ECEL1: variants seen among roughly 807,000 people sequenced by gnomAD.
ECEL1 encodes the protein endothelin converting enzyme like 1, also known as endothelin-converting enzyme-like 1.
Under a neutral mutation model 101.8 loss-of-function variants are expected in ECEL1, and 87 were observed. The observed-to-expected ratio is 0.85, with a 90% CI of 0.72 to 1.02. ECEL1 has a LOEUF of 1.02. Among genes scored for constraint, ECEL1 ranks in the 50% least tolerant of loss-of-function variants. The probability of loss-of-function intolerance (pLI) is 0.00; values close to 1 mark genes in which losing one functional copy is unlikely to be tolerated. For missense variants in ECEL1, 1,032 were observed against 1,079.2 expected (o/e 0.96, Z 0.61); for synonymous variants, 487 against 468.7 (o/e 1.04, Z -0.50).
chr2:232,485,403 C>T, intron 2 of ECEL1, 136 bp from the exon 3 acceptor site: 1 of 989,862 alleles, frequency 1.0e-6, no homozygotes, highest in Non-Finnish European at 1.5e-6. Context: ...GACCCCAGCT[C>T]CTCTTTCCAC....
At position 232,486,732 on chromosome 2, in the gene ECEL1, T is replaced by C; in HGVS notation, c.-79A>G. The C allele has an allele frequency of 7.4e-7, 1 of 1,348,718 alleles. No homozygotes were observed. The highest frequency in any genetic ancestry group is 1.7e-5 in the South Asian group (1 of 60,374). The allele number at this position is 1,348,718 out of a possible 1,614,324, so 83.5% of individuals were successfully genotyped here. ...GTGGCCGCCGGCCTCCTCGTGGGCCTCCGCATGGCCCTGGGGCCGCAGCTG... is the reference window on the plus strand; with the variant it reads ...GTGGCCGCCGGCCTCCTCGTGGGCCCCCGCATGGCCCTGGGGCCGCAGCTG... On this transcript the variant is annotated 5_prime_UTR_variant, in exon 2 of 18. Coordinates refer to ENST00000304546, the MANE Select transcript of ECEL1 (RefSeq NM_004826.4).
chr2:232,481,936 C>G, intron 12 of ECEL1, 87 bp from the exon 13 acceptor site: 1 of 1,580,034 alleles, frequency 6.3e-7, no homozygotes, highest in East Asian at 2.3e-5. Context: ...GTCCCCTGGC[C>G]GGGCCAGGAG....
rs1362061138 is a variant in ECEL1, at chr2:232,480,398, C to G, written c.2228+1G>C. 1.2e-6 allele frequency: 2 copies of G among 1,613,900 alleles called. No homozygotes were observed. The highest frequency in any genetic ancestry group is 1.7e-6 in the Non-Finnish European group (2 of 1,180,006). Reference sequence around the variant, plus strand: ...AAGGCCAGGCGGGCAGGTGGGCATACCTGTAGTGCTCAGGGGCATGCTTGT... The same window carrying G: ...AAGGCCAGGCGGGCAGGTGGGCATAGCTGTAGTGCTCAGGGGCATGCTTGT... On this transcript the variant is annotated splice_donor_variant, in intron 17 of 17. Coordinates refer to ENST00000304546, the MANE Select transcript of ECEL1 (RefSeq NM_004826.4). LOFTEE classifies it high-confidence loss of function.
chr2:232,486,383 C>T lies in ECEL1; in HGVS notation c.271G>A (p.Gly91Ser), dbSNP rs1690728982. The change falls in exon 2 of 18, where the codon GGC becomes AGC. Residue 91 changes from glycine to serine, a missense_variant. Transcript: ENST00000304546. Reference sequence around the variant, plus strand: ...CAGCCCTCGGGACAGGCGCCGCCGCCGGCCGCGACCGGGCCCAGGTACTTG... The same window carrying T: ...CAGCCCTCGGGACAGGCGCCGCCGCTGGCCGCGACCGGGCCCAGGTACTTG... The part of the protein sequence containing the change: ...ALKYLGPVAA[G>S]GGACPEGCPE... 2.0e-6 allele frequency: 3 copies of T among 1,481,486 alleles called. No homozygotes were observed. The highest frequency in any genetic ancestry group is 2.7e-6 in the Non-Finnish European group (3 of 1,127,780). 91.8% of individuals were successfully genotyped at this position (1,481,486 alleles called of 1,614,324 possible).
At chr2:232,487,650 A>T (rs1690768794) in intron 1 of ECEL1, 69 bp downstream of exon 1, 1 of 151,976 alleles carries the variant, frequency 6.6e-6, no homozygotes, top group African/African-American at 2.4e-5. Context: ...GGCTCCGCGC[A>T]GTGGCGGCGG....
In ECEL1 at chr2:232,480,141, G is replaced by A. The variant is rs1177404153; in HGVS notation, c.*12C>T. ...GCGGGGGCAGTGGGGGCGTGCAGGC[G>A]GGCAGCCAGGCTCACCACACGGAAC... On this transcript the variant is annotated 3_prime_UTR_variant, in exon 18 of 18. Transcript: ENST00000304546. 13 of 1,613,012 alleles carry A rather than the reference G, an allele frequency of 8.1e-6. No homozygotes were observed. The highest frequency in any genetic ancestry group is 1.7e-5 in the Admixed American group (1 of 59,964).
rs754845580 is a variant in ECEL1, at chr2:232,480,126, T to A, written c.*27A>T. On this transcript the variant is annotated 3_prime_UTR_variant, in exon 18 of 18. Transcript: ENST00000304546. ...CAGGAGGTGATTCGTGCGGGGGCAGTGGGGGCGTGCAGGCGGGCAGCCAGG... is the reference window on the plus strand; with the variant it reads ...CAGGAGGTGATTCGTGCGGGGGCAGAGGGGGCGTGCAGGCGGGCAGCCAGG... The A allele has an allele frequency of 2.5e-6, 4 of 1,609,316 alleles. No homozygotes were observed. Among genetic ancestry groups the A allele is most frequent in the Non-Finnish European group, 3.4e-6 (4 of 1,176,804 alleles).
Position 232,480,386 on chromosome 2 carries a change from C to T in ECEL1, c.2228+13G>A, listed in dbSNP as rs1387096821. ...CAAGGAGTGGACAAGGCCAGGCGGG[C>T]AGGTGGGCATACCTGTAGTGCTCAG... On this transcript the variant is annotated intron_variant, in intron 17 of 17. Coordinates refer to ENST00000304546, the MANE Select transcript of ECEL1 (RefSeq NM_004826.4). 1.2e-6 allele frequency: 2 copies of T among 1,613,590 alleles called. No individual in the cohort carries two copies. The highest frequency in any genetic ancestry group is 2.2e-5 in the East Asian group (1 of 44,856).
At chr2:232,487,038 C>T (rs1024227826) in intron 1 of ECEL1, among the ~76,000 whole-genome samples, 3 of 152,224 alleles carry the variant, frequency 2.0e-5, no homozygotes, top group African/African-American at 7.2e-5. Flanking sequence ...AGTGGGCCTT[C>T]ATTGAAAGGT....
Position 232,486,146 on chromosome 2 carries a change from C to A in ECEL1, c.508G>T (p.Gly170Cys), listed in dbSNP as rs1403036153. ...CGCTGGGCCGCGCCGCCAGGCCCAC[C>A]CCCGGGCCGCGCCAGCAGGCGCCGT... is the stretch of plus-strand genomic sequence containing the variant. ...RLRRLLARPG[G>C]GPGGAAQRKV... Residue 170 changes from glycine (G) to cysteine (C), a missense_variant, in exon 2 of 18, where the codon GGT (glycine) becomes TGT (cysteine). Gly to Cys is a radical substitution (Grantham distance 159). Coordinates refer to ENST00000304546, the MANE Select transcript of ECEL1 (RefSeq NM_004826.4). 3 of 1,565,484 alleles carry A rather than the reference C, an allele frequency of 1.9e-6. No homozygotes were observed. The highest frequency in any genetic ancestry group is 1.4e-5 in the African/African-American group (1 of 73,164).
intron 7 of ECEL1, 109 bp from the exon 8 acceptor site, chr2:232,483,623 C>T: frequency 1.2e-6 from 1 of 850,438 alleles, no homozygotes; most frequent in Non-Finnish European, 1.8e-6. Flanking sequence ...GCCCAAACCT[C>T]ATTTCTGAAC....
rs1255501465 is a variant in ECEL1, at chr2:232,481,144, G to A, written c.2002C>T (p.His668Tyr). The change falls in exon 15 of 18, where the codon CAC becomes TAC. Residue 668 changes from histidine to tyrosine, a missense_variant. By Grantham distance (83) the His-to-Tyr change is moderately conservative. Coordinates refer to ENST00000304546, the MANE Select transcript of ECEL1 (RefSeq NM_004826.4). ...TVYNQRVNGK[H>Y]TLGENIADMG... is the part of the protein sequence containing the mutation. ...TCTGCGATGTTCTCCCCAAGCGTGT[G>A]TTTCCCGTTCACCTGCCGGGAAGGG... The A allele has an allele frequency of 1.3e-6, 2 of 1,567,150 alleles. No individual in the cohort carries two copies. The highest frequency in any genetic ancestry group is 2.4e-5 in the East Asian group (1 of 42,260).
At position 232,481,792 on chromosome 2, in the gene ECEL1, G is replaced by A. The variant is rs372170199; in HGVS notation, c.1854C>T (p.Tyr618=). The change falls in exon 13 of 18, where the codon TAC becomes TAT. Residue 618 remains tyrosine, a synonymous_variant. Coordinates refer to ENST00000304546, the MANE Select transcript of ECEL1 (RefSeq NM_004826.4). The stretch of plus-strand genomic sequence containing the variant: ...CCCAACAGGCCTCACCCCAGTCGTC[G>A]TAGCCGTGGGTCAGCTCATGTCCAA... ...TIIGHELTHG[Y]DDWGGQYDRS... is the part of the protein sequence containing the mutation. 16 of 1,613,770 alleles carry A rather than the reference G, an allele frequency of 9.9e-6. No homozygotes were observed. The highest frequency in any genetic ancestry group is 4.0e-5 in the African/African-American group (3 of 74,902).
Position 232,480,224 on chromosome 2 carries a change from C to T in ECEL1, c.2257G>A (p.Glu753Lys), listed in dbSNP as rs1169874030. ...GGACAGTGGAAAGCCCGGCCAAACT[C>T]CTCAAACTGGGACACACTGCCCAGC... ...RVLGSVSQFE[E>K]FGRAFHCPKD... Residue 753 changes from glutamate (E) to lysine (K), a missense_variant, in exon 18 of 18, where the codon GAG (glutamate) becomes AAG (lysine). Physicochemically the swap from Glu to Lys is moderately conservative, Grantham distance 56. Transcript: ENST00000304546. 3.1e-6 allele frequency: 5 copies of T among 1,613,852 alleles called. No homozygotes were observed.
Position 232,483,474 on chromosome 2 carries a change from T to C in ECEL1, c.1448A>G (p.Gln483Arg). 1 of 1,612,504 alleles carries C rather than the reference T, an allele frequency of 6.2e-7. No homozygotes were observed. Among genetic ancestry groups the C allele is most frequent in the Non-Finnish European group, 8.5e-7 (1 of 1,179,750 alleles). Residue 483 changes from glutamine to arginine, a missense_variant, in exon 8 of 18, where the codon CAG (glutamine) becomes CGG (arginine). Coordinates refer to ENST00000304546, the MANE Select transcript of ECEL1 (RefSeq NM_004826.4). ...LVEDIKYILGQRLEELDWMDA... is the reference protein window; with the variant it reads ...LVEDIKYILGRRLEELDWMDA... Reference sequence around the variant, plus strand: ...CATCCAGTCCAGCTCCTCCAGGCGCTGGCCCAGGATGTACTTGATGTCTTC... The same window carrying C: ...CATCCAGTCCAGCTCCTCCAGGCGCCGGCCCAGGATGTACTTGATGTCTTC...
At position 232,484,857 on chromosome 2, in the gene ECEL1, C is replaced by T. The variant is rs1454248258; in HGVS notation, c.1003G>A (p.Val335Ile). Reference protein sequence around the residue: ...VSEHDDLRRDVSSMYNKVTLG... With the variant: ...VSEHDDLRRDISSMYNKVTLG... The stretch of plus-strand genomic sequence containing the variant: ...GTCACCTTGTTGTACATGGAGCTGA[C>T]ATCTCGCCGTAGGTCGTCATGCTCT... Residue 335 changes from valine to isoleucine, a missense_variant, in exon 5 of 18, where the codon GTC becomes ATC. By Grantham distance (29) the Val-to-Ile change is conservative. Transcript: ENST00000304546. 6.2e-7 allele frequency: 1 copy of T among 1,613,956 alleles called. No individual in the cohort carries two copies. Among genetic ancestry groups the T allele is most frequent in the Non-Finnish European group, 8.5e-7 (1 of 1,179,990 alleles).
chr2:232,486,685 C>A lies in ECEL1; in HGVS notation c.-32G>T. 1 of 1,472,910 alleles carries A rather than the reference C, an allele frequency of 6.8e-7. No individual in the cohort carries two copies. Among genetic ancestry groups the A allele is most frequent in the Non-Finnish European group, 8.9e-7 (1 of 1,123,836 alleles). 91.2% of individuals were successfully genotyped at this position (1,472,910 alleles called of 1,614,324 possible). A position where few individuals can be genotyped will look rare whatever the true frequency, so the allele number is the denominator to read the frequency against. On this transcript the variant is annotated 5_prime_UTR_variant, in exon 2 of 18. Transcript: ENST00000304546. ...GAGGCCGCCGCGGTGCAGACCTGGG[C>A]CACCTGGGCTACGGGATGCGCGTGG...
chr2:232,485,132 C>T, intron 3 of ECEL1, 41 bp from the exon 4 acceptor site: 1 of 1,611,836 alleles, frequency 6.2e-7, no homozygotes, highest in Non-Finnish European at 8.5e-7. Context: ...CAGGGACAGG[C>T]CTAGCCTGGA....
In ECEL1 at chr2:232,485,021, T is replaced by C; in HGVS notation, c.926A>G (p.Lys309Arg). ...CTCCACTTGCAGGATCTCTTGGGCC[T>C]TCTGTTCCACAGCGTCTGCACCCAG... ...SLLGADAVEQ[K>R]AQEILQVEQQ... The change falls in exon 4 of 18, where the codon AAG (lysine) becomes AGG (arginine). Residue 309 changes from lysine (K) to arginine (R), a missense_variant. Physicochemically the swap from Lys to Arg is conservative, Grantham distance 26. Coordinates refer to ENST00000304546, the MANE Select transcript of ECEL1 (RefSeq NM_004826.4). The C allele has an allele frequency of 6.2e-7, 1 of 1,613,050 alleles. No individual in the cohort carries two copies. Among genetic ancestry groups the C allele is most frequent in the East Asian group, 2.2e-5 (1 of 44,876 alleles).
Sources: allele counts gnomAD v4.1 joint callset (sites outside exome capture counted in the v4.1 genomes callset), GRCh38; gene constraint gnomAD v4.1.1; transcripts MANE v1.5; gene names NCBI Gene and HGNC (gene_info 2026-07-23, HGNC 2026-07-21).